ASTN2: variants seen among roughly 807,000 people sequenced by gnomAD.
ASTN2 encodes astrotactin 2.
In ASTN2, 54 loss-of-function variants were observed where a neutral mutation model predicts 139.8. The observed-to-expected ratio is 0.39, with a 90% CI of 0.31 to 0.48. The LOEUF is 0.48. ASTN2 is among the 20% of genes least tolerant of loss of function. The pLI is 0.95. For missense variants in ASTN2, 1,565 were observed against 1,725.1 expected (o/e 0.91, Z 1.64); for synonymous variants, 756 against 719.5 (o/e 1.05, Z -0.81).
At chr9:117,099,107 C>CAAAAA (rs34900374) in intron 4 of ASTN2, among the ~76,000 whole-genome samples, 5 of 116,902 alleles carry the variant, frequency 4.3e-5, no homozygotes, top group African/African-American at 1.3e-4. Context: ...ACTCCGTCTC[C>CAAAAA]AAAAAAAAAA....
At chr9:117,045,979 T>C (rs60396874) in intron 5 of ASTN2, among the ~76,000 whole-genome samples, 35,929 of 124,054 alleles carry the variant, frequency 0.29, 5,529 homozygotes, top group African/African-American at 0.45. Flanking sequence ...TATGTATGTA[T>C]GTACGTACGT....
chr9:116,832,497 T>C (rs1261800652), intron 11 of ASTN2, among the ~76,000 whole-genome samples: 1 of 152,208 alleles, frequency 6.6e-6, no homozygotes, highest in African/African-American at 2.4e-5. Flanking sequence ...AGCTCTTTTA[T>C]TGATGTTCTT....
At chr9:116,598,862 G>C (rs1339114250) in intron 19 of ASTN2, among the ~76,000 whole-genome samples, 1 of 152,156 alleles carries the variant, frequency 6.6e-6, no homozygotes, top group Non-Finnish European at 1.5e-5. Flanking sequence ...GAGTCTTGTG[G>C]GGCACACATG....
intron 4 of ASTN2, among the ~76,000 whole-genome samples, chr9:117,103,859 C>A (rs188055080): frequency 3.2e-4 from 49 of 152,316 alleles, no homozygotes; most frequent in Non-Finnish European, 1.0e-4. Context: ...ACTTCCCACA[C>A]CCCCTATACC....
chr9:117,208,083 G>A (rs1831997296), intron 3 of ASTN2, among the ~76,000 whole-genome samples: 1 of 151,538 alleles, frequency 6.6e-6, no homozygotes, highest in Non-Finnish European at 1.5e-5. Context: ...ATCAACATAG[G>A]GACACATCAA....
At chr9:116,632,195 A>G (rs1268281801) in intron 17 of ASTN2, among the ~76,000 whole-genome samples, 2 of 13,966 alleles carry the variant, frequency 1.4e-4, no homozygotes, top group Admixed American at 1.6e-3. Flanking sequence ...GGAGAGAGAG[A>G]GAAAGAAAGA....
chr9:116,665,742 A>T (rs2131971824), intron 16 of ASTN2, among the ~76,000 whole-genome samples: 1 of 152,346 alleles, frequency 6.6e-6, no homozygotes, highest in Middle Eastern at 3.4e-3. Flanking sequence ...TTGGCCTAAC[A>T]TTAAACAATT....
At chr9:117,384,629 C>T (rs1830351453) in intron 1 of ASTN2, among the ~76,000 whole-genome samples, 1 of 152,232 alleles carries the variant, frequency 6.6e-6, no homozygotes, top group Non-Finnish European at 1.5e-5. Flanking sequence ...ATGGCTTCCA[C>T]ATGATACACT....
chr9:116,924,501 A>G (rs1367289486), intron 10 of ASTN2, among the ~76,000 whole-genome samples: 1 of 151,514 alleles, frequency 6.6e-6, no homozygotes, highest in African/African-American at 2.4e-5. Flanking sequence ...AGCTTCTTAT[A>G]CTTATTGTTA....
intron 19 of ASTN2, among the ~76,000 whole-genome samples, chr9:116,511,531 G>T (rs1377772695): frequency 6.6e-6 from 1 of 152,172 alleles, no homozygotes; most frequent in Non-Finnish European, 1.5e-5. Context: ...ATGAGTTAGG[G>T]AGAATTCCCA....
Position 117,181,811 on chromosome 9 carries a change from A to T in ASTN2, c.1015+32547T>A, listed in dbSNP as rs1373104368. Among the ~76,000 whole-genome samples the T allele has an allele frequency of 2.6e-5, 4 of 152,226 alleles. No individual in the cohort carries two copies. The East Asian group carries it at 7.7e-4, about 29-fold the overall frequency. On this transcript the variant is annotated intron_variant, in intron 3 of 22. Coordinates refer to ENST00000313400, the MANE Select transcript of ASTN2 (RefSeq NM_001365068.1). ...CTCAGTGTTTGTTATAATGGCCGTT[A>T]TCATTCACTGTGTTCCTTCCCTTAC... is the stretch of plus-strand genomic sequence containing the variant.
Position 117,312,186 on chromosome 9 carries a change from T to C in ASTN2, c.443-20673A>G, listed in dbSNP as rs139613913. Among the ~76,000 whole-genome samples, 1,264 of 152,300 alleles carry C rather than the reference T, an allele frequency of 8.3e-3. 19 individuals are homozygous for C. The highest frequency in any genetic ancestry group is 0.029 in the African/African-American group (1,225 of 41,570). On this transcript the variant is annotated intron_variant, in intron 1 of 22. Coordinates refer to ENST00000313400, the MANE Select transcript of ASTN2 (RefSeq NM_001365068.1). ...AGAGACTTCTCTCTTGTTGCTAATA[T>C]ATTCAGGAAAATTTTTCCAAAGAGT... is the stretch of plus-strand genomic sequence containing the variant.
In ASTN2 at chr9:116,620,433, C is replaced by G; in HGVS notation, c.3083G>C (p.Ser1028Thr). Residue 1028 changes from serine to threonine, a missense_variant, in exon 18 of 23, where the codon AGT becomes ACT. Around this residue, in one of 4 missense-constraint regions of ASTN2, gnomAD observed 418 missense variants for 465.8 expected, o/e 0.90. Transcript: ENST00000313400. ...QDNGTKEAFKSALMSSYWCSG... is the reference protein window; with the variant it reads ...QDNGTKEAFKTALMSSYWCSG... The stretch of plus-strand genomic sequence containing the variant: ...GCACCAGTAGGAACTCATCAGTGCA[C>G]TCTTGAAGGCCTGGACAAAAAAAGA... 1 of 1,614,090 alleles carries G rather than the reference C, an allele frequency of 6.2e-7. No individual in the cohort carries two copies.
chr9:116,917,106 C>T (rs140869711), intron 10 of ASTN2, among the ~76,000 whole-genome samples: 94 of 152,188 alleles, frequency 6.2e-4, no homozygotes, highest in African/African-American at 2.2e-3. Flanking sequence ...ACAGTCTGTG[C>T]ATGTTGTTCC....
In ASTN2 at chr9:117,291,384, A is replaced by T. The variant is rs769602331; in HGVS notation, c.572T>A (p.Leu191His). ...CTCAACAATCTCCGAGGGCTCCTGG[A>T]GAGTGGGGGCGGTGGCTTGGGCCAG... ...GQLAQATAPT[L>H]QEPSEIVEEQ... Residue 191 changes from leucine (L) to histidine (H), a missense_variant, in exon 2 of 23, where the codon CTC becomes CAC. By Grantham distance (99) the Leu-to-His change is moderately conservative. Coordinates refer to ENST00000313400, the MANE Select transcript of ASTN2 (RefSeq NM_001365068.1). 1 of 1,614,172 alleles carries T rather than the reference A, an allele frequency of 6.2e-7. No individual in the cohort carries two copies. Among genetic ancestry groups the T allele is most frequent in the Non-Finnish European group, 8.5e-7 (1 of 1,180,022 alleles).
At chr9:117,000,347 A>G (rs550101314) in intron 7 of ASTN2, among the ~76,000 whole-genome samples, 11 of 152,212 alleles carry the variant, frequency 7.2e-5, no homozygotes, top group Non-Finnish European at 1.5e-4. Flanking sequence ...AGATATCCCA[A>G]TTCTACTGTG....
At chr9:117,005,666 T>G (rs1426434582) in intron 7 of ASTN2, among the ~76,000 whole-genome samples, 2 of 152,168 alleles carry the variant, frequency 1.3e-5, no homozygotes, top group Admixed American at 1.3e-4. Flanking sequence ...TGTCACTTCC[T>G]TTACAGGTAT....
intron 3 of ASTN2, among the ~76,000 whole-genome samples, chr9:117,205,850 A>G (rs1183991622): frequency 6.6e-6 from 1 of 152,224 alleles, no homozygotes; most frequent in Non-Finnish European, 1.5e-5. Context: ...CCTTTGTTGC[A>G]TTTGTCTAAA....
intron 4 of ASTN2, among the ~76,000 whole-genome samples, chr9:117,102,947 G>C (rs1829017422): frequency 6.6e-6 from 1 of 151,940 alleles, no homozygotes; most frequent in South Asian, 2.1e-4. Flanking sequence ...TGAGAGCTGT[G>C]AGAGAGACAG....
Sources: gnomAD v4.1 joint callset for allele counts (sites outside exome capture counted in the v4.1 genomes callset) on GRCh38, gnomAD v4.1.1 for gene constraint, gnomAD v4.1.1 regional missense constraint, MANE v1.5 for transcripts, NCBI Gene and HGNC (gene_info 2026-07-23, HGNC 2026-07-21) for gene names.